PLD2: variants seen among roughly 807,000 people sequenced by gnomAD.
PLD2 encodes choline phosphatase 2.
In PLD2, 101 loss-of-function variants were observed where a neutral mutation model predicts 119.8. That is an observed-to-expected ratio of 0.84 (90% CI 0.72 to 0.99). The LOEUF (loss-of-function observed/expected upper bound fraction) is 0.99, where lower values mean the gene tolerates loss of function less well. PLD2 is among the 50% of genes least tolerant of loss of function. PLD2 has a pLI of 0.00. For missense variants in PLD2, 1,164 were observed against 1,226.8 expected (o/e 0.95, Z 0.76); for synonymous variants, 494 against 482.8 (o/e 1.02, Z -0.30).
At chr17:4,815,986 C>T (rs759945670) in intron 14 of PLD2, 52 bp downstream of exon 14, 3 of 1,306,490 alleles carry the variant, frequency 2.3e-6, no homozygotes, top group South Asian at 2.4e-5. Flanking sequence ...TAAGCTCAAT[C>T]AACACCATTT....
Position 4,807,570 on chromosome 17 carries a change from T to G in PLD2, c.-1-202T>G, listed in dbSNP as rs1905984251. 9.9e-6 allele frequency: 4 copies of G among 402,458 alleles called. No individual in the cohort carries two copies. Among genetic ancestry groups the G allele is most frequent in the Admixed American group, 3.8e-5 (1 of 26,420 alleles). The allele number at this position is 402,458 out of a possible 1,614,324, so 24.9% of individuals were successfully genotyped here. ...GGGGGGCGGGGGGCGGGACTGGGAT[T>G]GTGGATGAAGGACTAAGGTAGGGGA... On this transcript the variant is annotated intron_variant, in intron 1 of 24. Transcript: ENST00000263088. The surrounding 1 kb of genome is among the most constrained non-coding windows in gnomAD (Gnocchi z 5.4).
rs1907708382 is a variant in PLD2 at position 4,821,872 on chromosome 17, G to A, written c.2542G>A (p.Asp848Asn). ...ICDDFFQLWQ[D>N]MAESNANIYE... ...TGATGACTTCTTCCAGTTGTGGCAA[G>A]ACATGGCTGAGAGCAACGCCAATAT... Residue 848 changes from aspartate to asparagine, a missense_variant, in exon 24 of 25, where the codon GAC becomes AAC. Physicochemically the swap from Asp to Asn is conservative, Grantham distance 23. Coordinates refer to ENST00000263088, the MANE Select transcript of PLD2 (RefSeq NM_002663.5). The A allele has an allele frequency of 2.5e-6, 4 of 1,613,876 alleles. No homozygotes were observed. The highest frequency in any genetic ancestry group is 2.7e-5 in the African/African-American group (2 of 74,878).
chr17:4,809,735 G>C lies in PLD2; in HGVS notation c.659G>C (p.Gly220Ala), dbSNP rs574038745. Residue 220 changes from glycine to alanine, a missense_variant, in exon 8 of 25, where the codon GGC becomes GCC. Physicochemically the swap from Gly to Ala is moderately conservative, Grantham distance 60. Transcript: ENST00000263088. ...CGCTCAGGTGGCCACCGTGTTCCTG[G>C]CCTCACCTGCTGTGGCCGAGACCAA... Reference protein sequence around the residue: ...RKRSGGHRVPGLTCCGRDQVC... With the variant: ...RKRSGGHRVPALTCCGRDQVC... 3.1e-6 allele frequency: 5 copies of C among 1,614,210 alleles called. No individual in the cohort carries two copies. The highest frequency in any genetic ancestry group is 3.4e-6 in the Non-Finnish European group (4 of 1,180,034).
intron 23 of PLD2, among the ~76,000 whole-genome samples, chr17:4,820,948 G>A (rs547731415): frequency 1.0e-4 from 15 of 148,024 alleles, no homozygotes; most frequent in African/African-American, 2.5e-4. Context: ...TGTCACCCAC[G>A]CTGGAGTGCA....
At position 4,808,017 on chromosome 17, in the gene PLD2, A is replaced by T. The variant is rs1259106627; in HGVS notation, c.143A>T (p.Glu48Val). 6.2e-7 allele frequency: 1 copy of T among 1,611,666 alleles called. No homozygotes were observed. Among genetic ancestry groups the T allele is most frequent in the Non-Finnish European group, 8.5e-7 (1 of 1,178,076 alleles). Residue 48 changes from glutamate to valine, a missense_variant, in exon 3 of 25, where the codon GAG becomes GTG. Glu to Val is a moderately radical substitution (Grantham distance 121). Transcript: ENST00000263088. This position sits in a 1 kb window ranked among gnomAD's most constrained non-coding sequence, Gnocchi z 4.1. ...DRMHPFLAIYELQSLKVHPLV... is the reference protein window; with the variant it reads ...DRMHPFLAIYVLQSLKVHPLV... ...ATGCACCCGTTTCTGGCCATCTATG[A>T]GCTTCAGTCTCTGAAAGTGCACCCC...
At position 4,809,567 on chromosome 17, in the gene PLD2, C is replaced by T. The variant is rs372650689; in HGVS notation, c.614+16C>T. The T allele has an allele frequency of 6.2e-7, 1 of 1,605,520 alleles. No individual in the cohort carries two copies. Among genetic ancestry groups the T allele is most frequent in the Non-Finnish European group, 8.5e-7 (1 of 1,173,816 alleles). On this transcript the variant is annotated intron_variant, in intron 7 of 24. Coordinates refer to ENST00000263088, the MANE Select transcript of PLD2 (RefSeq NM_002663.5). ...GCAAAGGACTGTGAGTGTCTGGCCC[C>T]CTTCACCCAGGCATCCGTAGACATC...
chr17:4,811,898 T>C (rs1906513332), intron 10 of PLD2, among the ~76,000 whole-genome samples: 1 of 151,974 alleles, frequency 6.6e-6, no homozygotes, highest in South Asian at 2.1e-4. Flanking sequence ...CACGGCAACT[T>C]CAACCTCCCA....
chr17:4,819,325 G>T lies in PLD2; in HGVS notation c.2309-104G>T. The T allele has an allele frequency of 6.4e-7, 1 of 1,570,874 alleles. No individual in the cohort carries two copies. Among genetic ancestry groups the T allele is most frequent in the Non-Finnish European group, 8.6e-7 (1 of 1,157,012 alleles). On this transcript the variant is annotated intron_variant, in intron 22 of 24. Transcript: ENST00000263088. The surrounding 1 kb of genome is among the most constrained non-coding windows in gnomAD (Gnocchi z 4.2). ...AGCTGAGGCTCGTGTAGGGGTGGAG[G>T]GTCCAAGAAGGAATGTTGCAGGCCA... is the stretch of plus-strand genomic sequence containing the variant.
chr17:4,809,468 T>C, intron 6 of PLD2, 25 bp from the exon 7 acceptor site: 1 of 1,608,442 alleles, frequency 6.2e-7, no homozygotes, highest in South Asian at 1.1e-5. Flanking sequence ...AGGTGTCTCC[T>C]CCGGGCTTTT....
In PLD2 at chr17:4,807,785, CCT is replaced by C; in HGVS notation, c.14_15del (p.Pro5ArgfsTer21). On this transcript the variant is annotated frameshift_variant, in exon 2 of 25. Transcript: ENST00000263088. LOFTEE classifies it high-confidence loss of function. This position sits in a 1 kb window ranked among gnomAD's most constrained non-coding sequence, Gnocchi z 5.4. ...CAATGTTCCTAGGATGACGGCGACC[CCT>C]GAGAGCCTCTTCCCCACTGGGGACG... MTAT[P>X]ESLFPTGDEL... The C allele has an allele frequency of 6.3e-7, 1 of 1,578,110 alleles. No homozygotes were observed. The highest frequency in any genetic ancestry group is 1.5e-5 in the African/African-American group (1 of 67,090).
At chr17:4,809,430 G>A in intron 6 of PLD2, 63 bp from the exon 7 acceptor site, 1 of 1,611,480 alleles carries the variant, frequency 6.2e-7, no homozygotes, top group Non-Finnish European at 8.5e-7. Context: ...GAGGGCCAGG[G>A]GCCCCAGGGT....
intron 23 of PLD2, among the ~76,000 whole-genome samples, chr17:4,820,546 C>T (rs1476118140): frequency 2.0e-5 from 3 of 147,772 alleles, no homozygotes; most frequent in South Asian, 4.3e-4. Context: ...CATGAACCAC[C>T]GCCCCTGGCC....
chr17:4,820,130 G>C (rs1369746774), intron 23 of PLD2, among the ~76,000 whole-genome samples: 1 of 151,206 alleles, frequency 6.6e-6, no homozygotes, highest in African/African-American at 2.4e-5. Flanking sequence ...TTTTAGTAGA[G>C]ATGGGGTTTC....
chr17:4,817,542 G>A (rs1483439843), intron 17 of PLD2, among the ~76,000 whole-genome samples: 1 of 151,452 alleles, frequency 6.6e-6, no homozygotes, highest in Non-Finnish European at 1.5e-5. Context: ...CGTACCTGTA[G>A]TCCCAGCTAC....
chr17:4,815,544 C>T lies in PLD2; in HGVS notation c.1242C>T (p.Gly414=), dbSNP rs149146521. The T allele has an allele frequency of 9.9e-6, 16 of 1,613,606 alleles. No homozygotes were observed. The African/African-American group carries it at 2.0e-4, about 20-fold the overall frequency. The change falls in exon 13 of 25, where the codon GGC becomes GGT. Residue 414 remains glycine (G), a synonymous_variant. Coordinates refer to ENST00000263088, the MANE Select transcript of PLD2 (RefSeq NM_002663.5). ...EVELALGINS[G]YSKRALMLLH... The stretch of plus-strand genomic sequence containing the variant: ...AATTGGCCTTGGGCATCAACAGTGG[C>T]TATAGCAAGAGGGCGCTGATGCTGC...
In PLD2 at chr17:4,815,915, C is replaced by G; in HGVS notation, c.1436C>G (p.Ser479Cys). Residue 479 changes from serine to cysteine, a missense_variant, in exon 14 of 25, where the codon TCT (serine) becomes TGT (cysteine). Ser to Cys is a moderately radical substitution (Grantham distance 112). Coordinates refer to ENST00000263088, the MANE Select transcript of PLD2 (RefSeq NM_002663.5). ...CGACTGACTGACCTTGGAGACTCCT[C>G]TGAATCAGCTGCCTCCCAGGTAATC... Reference protein sequence around the residue: ...HYRLTDLGDSSESAASQPPTP... With the variant: ...HYRLTDLGDSCESAASQPPTP... 6.2e-7 allele frequency: 1 copy of G among 1,613,800 alleles called. No homozygotes were observed. Among genetic ancestry groups the G allele is most frequent in the Non-Finnish European group, 8.5e-7 (1 of 1,179,736 alleles).
chr17:4,817,694 T>TA (rs1280659179), intron 17 of PLD2, among the ~76,000 whole-genome samples: 8 of 121,686 alleles, frequency 6.6e-5, no homozygotes, highest in Admixed American at 8.4e-5. Context: ...CGCAGTGGCT[T>TA]ACGCCTGTAA....
intron 10 of PLD2, 198 bp from the exon 11 acceptor site, chr17:4,814,220 C>G: frequency 4.3e-6 from 3 of 694,382 alleles, no homozygotes; most frequent in Non-Finnish European, 4.5e-6. Context: ...GTTATTGTGT[C>G]TTTTTGTAAT....
At position 4,809,431 on chromosome 17, in the gene PLD2, G is replaced by T. The variant is rs1906207500; in HGVS notation, c.556-62G>T. 6.8e-6 allele frequency: 11 copies of T among 1,612,146 alleles called. No homozygotes were observed. In the South Asian group the frequency reaches 7.7e-5, roughly 11 times the overall value. ...AGACCCTCGGGGAGGAGGGCCAGGG[G>T]CCCCAGGGTCTGAGGGGCTGAAAGC... On this transcript the variant is annotated intron_variant, in intron 6 of 24. Coordinates refer to ENST00000263088, the MANE Select transcript of PLD2 (RefSeq NM_002663.5).
Sources: gnomAD v4.1 joint callset for allele counts (sites outside exome capture counted in the v4.1 genomes callset) on GRCh38, gnomAD v4.1.1 for gene constraint, Gnocchi (gnomAD v3.1) non-coding constraint, MANE v1.5 for transcripts, NCBI Gene and HGNC (gene_info 2026-07-23, HGNC 2026-07-21) for gene names.